The following MCUB variants were observed in gnomAD, a reference collection of about 807,000 sequenced individuals.
The protein encoded by MCUB is calcium uniporter regulatory subunit MCUb, mitochondrial.
A neutral mutation model predicts 41.4 loss-of-function variants in MCUB; 46 were observed. The observed-to-expected ratio is 1.11, with a 90% CI of 0.88 to 1.42. The LOEUF (loss-of-function observed/expected upper bound fraction) is 1.42, where lower values mean the gene tolerates loss of function less well. Ranked by LOEUF, MCUB falls within the 40% of genes most tolerant of loss-of-function variation. MCUB has a pLI of 0.00. For missense variants in MCUB, 403 were observed against 404.9 expected (o/e 1.00, Z 0.04); for synonymous variants, 148 against 148.2 (o/e 1.00, Z 0.01).
chr4:109,597,432 C>A (rs1253044579), intron 1 of MCUB, among the ~76,000 whole-genome samples: 1 of 141,658 alleles, frequency 7.1e-6, no homozygotes, highest in African/African-American at 2.6e-5. Flanking sequence ...ACCTCCCTCC[C>A]GGACGGGGCG....
chr4:109,566,512 T>C (rs568931547), intron 1 of MCUB, among the ~76,000 whole-genome samples: 1 of 151,982 alleles, frequency 6.6e-6, no homozygotes, highest in African/African-American at 2.4e-5. Flanking sequence ...AAAACAGTTA[T>C]TACAACCACT....
chr4:109,598,054 GC>G (rs1727623729), intron 1 of MCUB, among the ~76,000 whole-genome samples: 1 of 150,430 alleles, frequency 6.6e-6, no homozygotes, highest in Non-Finnish European at 1.5e-5. Context: ...GGGAAGAGGT[GC>G]TCCTCACTTC....
chr4:109,676,274 C>T (rs961010339), intron 4 of MCUB, among the ~76,000 whole-genome samples: 9 of 152,100 alleles, frequency 5.9e-5, no homozygotes, highest in Non-Finnish European at 1.0e-4. Context: ...TGTGGTGACT[C>T]GCACCTATAA....
intron 1 of MCUB, among the ~76,000 whole-genome samples, chr4:109,608,782 T>C (rs1226190811): frequency 1.3e-5 from 2 of 152,174 alleles, no homozygotes; most frequent in East Asian, 3.9e-4. Flanking sequence ...ATTAAAGGCA[T>C]GAGCCACCAT....
intron 1 of MCUB, among the ~76,000 whole-genome samples, chr4:109,634,220 T>C (rs1274263229): frequency 6.6e-6 from 1 of 151,926 alleles, no homozygotes; most frequent in African/African-American, 2.4e-5. Context: ...CGGTGGCTCA[T>C]GCCTGTAATC....
At chr4:109,610,067 A>C (rs754820341) in intron 1 of MCUB, among the ~76,000 whole-genome samples, 1 of 152,120 alleles carries the variant, frequency 6.6e-6, no homozygotes, top group South Asian at 2.1e-4. Flanking sequence ...CCATAGGCCC[A>C]TGGGGAGTAC....
At chr4:109,599,188 C>G (rs1475693342) in intron 1 of MCUB, among the ~76,000 whole-genome samples, 1 of 152,132 alleles carries the variant, frequency 6.6e-6, no homozygotes, top group East Asian at 1.9e-4. Context: ...AAGTTGAAGC[C>G]TTACTTAATC....
chr4:109,639,487 A>C (rs980303185), intron 1 of MCUB, among the ~76,000 whole-genome samples: 4 of 152,074 alleles, frequency 2.6e-5, no homozygotes, highest in Non-Finnish European at 5.9e-5. Context: ...CAGGAGTCTG[A>C]GACTAGCCTG....
chr4:109,685,077 A>T (rs1051823362), intron 6 of MCUB, 174 bp from the exon 7 acceptor site: 1 of 476,638 alleles, frequency 2.1e-6, no homozygotes, highest in African/African-American at 2.0e-5. Context: ...GCAGATCTTA[A>T]ATGAGACTAA....
chr4:109,660,486 C>CT (rs1729206201), intron 3 of MCUB, 121 bp downstream of exon 3: 3 of 528,658 alleles, frequency 5.7e-6, no homozygotes, highest in African/African-American at 2.0e-5. Context: ...AATGGTTGGT[C>CT]TTTATTCTTT....
At chr4:109,572,632 G>T (rs1359525090) in intron 1 of MCUB, among the ~76,000 whole-genome samples, 1 of 152,022 alleles carries the variant, frequency 6.6e-6, no homozygotes, top group Non-Finnish European at 1.5e-5. Flanking sequence ...TTTAGAAAGA[G>T]ATTAATAACT....
intron 3 of MCUB, among the ~76,000 whole-genome samples, chr4:109,661,006 C>T (rs184098074): frequency 6.8e-4 from 103 of 152,182 alleles, no homozygotes; most frequent in African/African-American, 2.2e-3. Context: ...AAACAAAATG[C>T]AGTTTTAATT....
intron 3 of MCUB, among the ~76,000 whole-genome samples, chr4:109,661,956 A>G (rs552962804): frequency 1.3e-5 from 2 of 152,186 alleles, no homozygotes; most frequent in Admixed American, 6.5e-5. Context: ...TCGCTTGAAC[A>G]TGGGAGGCGG....
intron 1 of MCUB, among the ~76,000 whole-genome samples, chr4:109,644,645 A>G (rs1007019175): frequency 1.3e-5 from 2 of 152,216 alleles, no homozygotes; most frequent in Admixed American, 6.5e-5. Flanking sequence ...CCAAAAGGAG[A>G]AAATAAATCA....
chr4:109,566,947 C>G (rs1259143101), intron 1 of MCUB, among the ~76,000 whole-genome samples: 1 of 152,112 alleles, frequency 6.6e-6, no homozygotes, highest in African/African-American at 2.4e-5. Flanking sequence ...CCCATCTCTA[C>G]TAAAAAATAC....
intron 3 of MCUB, among the ~76,000 whole-genome samples, chr4:109,660,693 G>A (rs962772274): frequency 6.6e-6 from 1 of 151,964 alleles, no homozygotes; most frequent in African/African-American, 2.4e-5. Context: ...GTACATACCT[G>A]TAATCCCAGC....
chr4:109,584,440 G>A (rs149170187), intron 1 of MCUB, among the ~76,000 whole-genome samples: 49 of 152,126 alleles, frequency 3.2e-4, no homozygotes, highest in African/African-American at 1.1e-3. Flanking sequence ...GGTTTTTTGT[G>A]TCTCTGTCTC....
intron 7 of MCUB, among the ~76,000 whole-genome samples, chr4:109,686,284 G>A (rs1022237352): frequency 2.0e-5 from 3 of 151,938 alleles, no homozygotes; most frequent in South Asian, 2.1e-4. Context: ...GATTATAGGC[G>A]CCCGCCACCA....
intron 1 of MCUB, among the ~76,000 whole-genome samples, chr4:109,652,447 A>G (rs1313557406): frequency 6.6e-6 from 1 of 152,210 alleles, no homozygotes; most frequent in Non-Finnish European, 1.5e-5. Flanking sequence ...TAACAGAACC[A>G]TAGACTGGGT....
Sources: allele counts gnomAD v4.1 joint callset (sites outside exome capture counted in the v4.1 genomes callset), GRCh38; gene constraint gnomAD v4.1.1; transcripts MANE v1.5; gene names NCBI Gene and HGNC (gene_info 2026-07-23, HGNC 2026-07-21).